Variants in BCAS3 observed in about 807,000 individuals in gnomAD.
BCAS3 encodes the protein BCAS3 microtubule associated cell migration factor, also known as BCAS4/BCAS3 fusion.
In BCAS3, 53 loss-of-function variants were observed where a neutral mutation model predicts 116.1. The observed-to-expected ratio is 0.46, with a 90% CI of 0.37 to 0.57. The LOEUF is 0.57. Among genes scored for constraint, BCAS3 ranks in the 20% least tolerant of loss-of-function variants. BCAS3 has a pLI of 0.00. For synonymous variants in BCAS3, 391 were observed against 408.2 expected (o/e 0.96, Z 0.51); for missense variants, 917 against 1,165.4 (o/e 0.79, Z 3.10).
chr17:61,222,851 G>C lies in BCAS3; in HGVS notation c.2425+138287G>C, dbSNP rs908115566. 1.3e-5 allele frequency among the ~76,000 whole-genome samples: 2 copies of C among 152,212 alleles called. No individual in the cohort carries two copies. The highest frequency in any genetic ancestry group is 4.2e-4 in the South Asian group (2 of 4,806). On this transcript the variant is annotated intron_variant, in intron 22 of 23. Transcript: ENST00000407086. The surrounding 1 kb of genome is among the most constrained non-coding windows in gnomAD (Gnocchi z 6.1). ...GAATGAAATTATCTGCTGCTGCTCT[G>C]GGCTTGTGATTTCCTTTGCTTTCAT...
chr17:61,190,883 G>T (rs1038333397), intron 22 of BCAS3, among the ~76,000 whole-genome samples: 1 of 152,152 alleles, frequency 6.6e-6, no homozygotes, highest in African/African-American at 2.4e-5. Context: ...GATTACCGGT[G>T]TGAGCCACCG....
intron 6 of BCAS3, among the ~76,000 whole-genome samples, chr17:60,797,186 G>A (rs1466773291): frequency 6.6e-6 from 1 of 152,024 alleles, no homozygotes; most frequent in Non-Finnish European, 1.5e-5. Context: ...ATAAGCCACC[G>A]TGCTTGGCCG....
intron 6 of BCAS3, among the ~76,000 whole-genome samples, chr17:60,799,868 T>C (rs1050100282): frequency 1.4e-4 from 21 of 151,836 alleles, no homozygotes; most frequent in Non-Finnish European, 7.4e-5. Context: ...CTGGCTGAGA[T>C]TAGCTTTTTT....
At chr17:61,117,281 G>A (rs151252270) in intron 22 of BCAS3, among the ~76,000 whole-genome samples, 108 of 152,148 alleles carry the variant, frequency 7.1e-4, no homozygotes, top group African/African-American at 2.3e-3. Flanking sequence ...TTTAGTTATT[G>A]TATTTTTCAG....
At chr17:60,947,173 CA>C (rs1432915686) in intron 13 of BCAS3, 45 bp from the exon 14 acceptor site, 1 of 1,541,420 alleles carries the variant, frequency 6.5e-7, no homozygotes, top group South Asian at 1.2e-5. Context: ...ATTTCATCCA[CA>C]TACATAATCA....
chr17:61,290,445 G>T, intron 22 of BCAS3, among the ~76,000 whole-genome samples: 1 of 152,144 alleles, frequency 6.6e-6, no homozygotes, highest in East Asian at 1.9e-4. Flanking sequence ...ATATGTTTAA[G>T]ATGTTCATAA....
chr17:61,203,545 C>T lies in BCAS3; in HGVS notation c.2425+118981C>T, dbSNP rs1189572449. 6.6e-6 allele frequency among the ~76,000 whole-genome samples: 1 copy of T among 152,190 alleles called. No homozygotes were observed. On this transcript the variant is annotated intron_variant, in intron 22 of 23. Transcript: ENST00000407086. This position sits in a 1 kb window ranked among gnomAD's most constrained non-coding sequence, Gnocchi z 5.7. ...TTTATGAAGAACTTAACAGTTTCCACATTGCCATTTCTGTAAAATCAGGAA... is the reference window on the plus strand; with the variant it reads ...TTTATGAAGAACTTAACAGTTTCCATATTGCCATTTCTGTAAAATCAGGAA...
intron 5 of BCAS3, among the ~76,000 whole-genome samples, chr17:60,729,032 C>G (rs372863516): frequency 6.6e-6 from 1 of 152,238 alleles, no homozygotes; most frequent in African/African-American, 2.4e-5. Context: ...TATTCTGACC[C>G]CATATTAGTT....
chr17:60,957,650 AC>A (rs2061208335), intron 14 of BCAS3, among the ~76,000 whole-genome samples: 1 of 152,134 alleles, frequency 6.6e-6, no homozygotes, highest in Non-Finnish European at 1.5e-5. Context: ...TAATCCTTAA[AC>A]CACTTATCCA....
chr17:61,256,804 A>G lies in BCAS3; in HGVS notation c.2426-111523A>G, dbSNP rs1568682333. Among the ~76,000 whole-genome samples, 1 of 152,102 alleles carries G rather than the reference A, an allele frequency of 6.6e-6. No homozygotes were observed. The highest frequency in any genetic ancestry group is 1.5e-5 in the Non-Finnish European group (1 of 68,002). On this transcript the variant is annotated intron_variant, in intron 22 of 23. Coordinates refer to ENST00000407086, the MANE Select transcript of BCAS3 (RefSeq NM_017679.5). The surrounding 1 kb of genome is among the most constrained non-coding windows in gnomAD (Gnocchi z 5.6). ...GTTGTTGGTATGCCATGGCACAAGG[A>G]CCCAAAGTGATCTTCTCAGGCCTCA...
chr17:61,359,558 G>A (rs1267452915), intron 22 of BCAS3, among the ~76,000 whole-genome samples: 4 of 150,384 alleles, frequency 2.7e-5, no homozygotes, highest in Non-Finnish European at 3.0e-5. Flanking sequence ...GCGGTGCCGC[G>A]GATCTCACTG....
chr17:60,690,940 A>AAAAAC (rs1359920821), intron 4 of BCAS3, among the ~76,000 whole-genome samples: 2 of 151,784 alleles, frequency 1.3e-5, no homozygotes, highest in African/African-American at 4.8e-5. Context: ...AAACAAAAAC[A>AAAAAC]AAAACAAAAC....
rs534779318 is a variant in BCAS3 at position 60,958,458 on chromosome 17, A to G, written c.1221+11106A>G. On this transcript the variant is annotated intron_variant, in intron 14 of 23. Transcript: ENST00000407086. ...ATATACTAACAACAATGAATTGATC[A>G]TTTAAAAAATCCAGAAGTGTATACT... 2.0e-5 allele frequency among the ~76,000 whole-genome samples: 3 copies of G among 152,350 alleles called. No homozygotes were observed. In the South Asian group the frequency reaches 6.2e-4, roughly 32 times the overall value.
chr17:61,221,715 G>A lies in BCAS3; in HGVS notation c.2425+137151G>A, dbSNP rs554583841. ...AAGGCTTAGATGTGCCTGTGGTTGGGGTGCTCTGCAAGGCACCAAAAAAAG... is the reference window on the plus strand; with the variant it reads ...AAGGCTTAGATGTGCCTGTGGTTGGAGTGCTCTGCAAGGCACCAAAAAAAG... On this transcript the variant is annotated intron_variant, in intron 22 of 23. Transcript: ENST00000407086. 2.6e-5 allele frequency among the ~76,000 whole-genome samples: 4 copies of A among 152,088 alleles called. No individual in the cohort carries two copies. The South Asian group carries it at 8.3e-4, about 32-fold the overall frequency.
In BCAS3 at chr17:61,211,758, G is replaced by C. The variant is rs1433790164; in HGVS notation, c.2425+127194G>C. ...TCTGTTCCCACACATGAAGTGTTATGCTTCAAATAACCGCTCAACAGCTCA... is the reference window on the plus strand; with the variant it reads ...TCTGTTCCCACACATGAAGTGTTATCCTTCAAATAACCGCTCAACAGCTCA... On this transcript the variant is annotated intron_variant, in intron 22 of 23. Coordinates refer to ENST00000407086, the MANE Select transcript of BCAS3 (RefSeq NM_017679.5). The surrounding 1 kb of genome is among the most constrained non-coding windows in gnomAD (Gnocchi z 4.4). Among the ~76,000 whole-genome samples, 1 of 151,948 alleles carries C rather than the reference G, an allele frequency of 6.6e-6. No homozygotes were observed. The highest frequency in any genetic ancestry group is 2.4e-5 in the African/African-American group (1 of 41,358).
At chr17:61,111,224 A>G (rs999723605) in intron 22 of BCAS3, among the ~76,000 whole-genome samples, 18 of 152,122 alleles carry the variant, frequency 1.2e-4, no homozygotes, top group Admixed American at 1.2e-3. Flanking sequence ...CAACGGAACA[A>G]AGGTGGATGG....
At chr17:60,821,026 A>C (rs2049917203) in intron 7 of BCAS3, among the ~76,000 whole-genome samples, 1 of 152,140 alleles carries the variant, frequency 6.6e-6, no homozygotes, top group Non-Finnish European at 1.5e-5. Context: ...GGCTCACTGC[A>C]ACCTCCGCCT....
rs2058526354 is a variant in BCAS3, at chr17:61,362,895, T to G, written c.2426-5432T>G. The stretch of plus-strand genomic sequence containing the variant: ...CTTCTTCCTTCCTCTCTTTTAATTT[T>G]AACTCCACTTTCTGCCTACTCTGAC... On this transcript the variant is annotated intron_variant, in intron 22 of 23. Transcript: ENST00000407086. This position sits in a 1 kb window ranked among gnomAD's most constrained non-coding sequence, Gnocchi z 4.4. 6.6e-6 allele frequency: 1 copy of G among 152,236 alleles called. No homozygotes were observed. Among genetic ancestry groups the G allele is most frequent in the Non-Finnish European group, 1.5e-5 (1 of 68,044 alleles). 9.4% of individuals were successfully genotyped at this position (152,236 alleles called of 1,614,324 possible). A position where few individuals can be genotyped will look rare whatever the true frequency, so the allele number is the denominator to read the frequency against.
chr17:61,334,321 A>G (rs1275542110), intron 22 of BCAS3, among the ~76,000 whole-genome samples: 3 of 152,216 alleles, frequency 2.0e-5, no homozygotes, highest in Admixed American at 6.5e-5. Context: ...CTGAGTTTCA[A>G]TTCTCTCATC....
Sources: allele counts gnomAD v4.1 joint callset (sites outside exome capture counted in the v4.1 genomes callset), GRCh38; gene constraint gnomAD v4.1.1; non-coding constraint Gnocchi (gnomAD v3.1); transcripts MANE v1.5; gene names NCBI Gene and HGNC (gene_info 2026-07-23, HGNC 2026-07-21).